Variants in CACNA1H observed in about 807,000 individuals in gnomAD.
The protein encoded by CACNA1H is calcium voltage-gated channel subunit alpha1 H.
In CACNA1H, 149 loss-of-function variants were observed where a neutral mutation model predicts 192.5. The ratio of observed to expected loss-of-function variants is 0.77; its 90% confidence interval spans 0.68 to 0.89. The LOEUF (loss-of-function observed/expected upper bound fraction) is 0.89. Among genes scored for constraint, CACNA1H ranks in the 40% least tolerant of loss-of-function variants. The probability of loss-of-function intolerance (pLI) is 0.00; values close to 1 mark genes in which losing one functional copy is unlikely to be tolerated. For synonymous variants in CACNA1H, 2,202 were observed against 1,475.2 expected, an observed-to-expected ratio of 1.49 and a Z score of -11.29; for missense variants, 4,257 against 3,423.5, an observed-to-expected ratio of 1.24 and a Z score of -6.08.
chr16:1,199,766 G>T (rs1967572972), intron 6 of CACNA1H, among the ~76,000 whole-genome samples: 1 of 149,632 alleles, frequency 6.7e-6, no homozygotes, highest in Non-Finnish European at 1.5e-5. Flanking sequence ...CCTGCCCTCA[G>T]CCCTCACCCC....
At chr16:1,201,238 G>A (rs369744014) in intron 8 of CACNA1H, among the ~76,000 whole-genome samples, 7 of 152,274 alleles carry the variant, frequency 4.6e-5, no homozygotes, top group African/African-American at 1.7e-4. Context: ...GGTAACAGAA[G>A]CAGACAGACG....
chr16:1,218,426 C>T lies in CACNA1H; in HGVS notation c.5662C>T (p.Pro1888Ser). 3 of 1,553,600 alleles carry T rather than the reference C, an allele frequency of 1.9e-6. No individual in the cohort carries two copies. The highest frequency in any genetic ancestry group is 2.6e-6 in the Non-Finnish European group (3 of 1,149,244). Residue 1888 changes from proline (P) to serine (S), a missense_variant, in exon 33 of 35, where the codon CCC becomes TCC. Coordinates refer to ENST00000348261, the MANE Select transcript of CACNA1H (RefSeq NM_021098.3). Reference protein sequence around the residue: ...AEIELEMAQGPGSARRVDADR... With the variant: ...AEIELEMAQGSGSARRVDADR... ...GATCGAGCTGGAGATGGCGCAGGGCCCCGGGAGTGCACGCCGGGTGGACGC... is the reference window on the plus strand; with the variant it reads ...GATCGAGCTGGAGATGGCGCAGGGCTCCGGGAGTGCACGCCGGGTGGACGC...
At position 1,194,281 on chromosome 16, in the gene CACNA1H, C is replaced by G. The variant is rs117672043; in HGVS notation, c.300-691C>G. 3.5e-4 allele frequency among the ~76,000 whole-genome samples: 53 copies of G among 152,312 alleles called. No homozygotes were observed. In the South Asian group the frequency reaches 9.5e-3, roughly 27 times the overall value. On this transcript the variant is annotated intron_variant, in intron 2 of 34. Coordinates refer to ENST00000348261, the MANE Select transcript of CACNA1H (RefSeq NM_021098.3). Reference sequence around the variant, plus strand: ...GACTGTCAGAGCTGGTGCCTGACTTCCCAAGGCTGTTCGCTGACAAGTTGG... The same window carrying G: ...GACTGTCAGAGCTGGTGCCTGACTTGCCAAGGCTGTTCGCTGACAAGTTGG...
intron 6 of CACNA1H, 62 bp downstream of exon 6, chr16:1,198,836 C>G (rs1025860786): frequency 6.0e-6 from 9 of 1,501,206 alleles, no homozygotes; most frequent in Non-Finnish European, 8.1e-6. Flanking sequence ...ATGCAGATAA[C>G]GCACCATGTG....
chr16:1,202,390 G>A lies in CACNA1H; in HGVS notation c.1940G>A (p.Gly647Asp), dbSNP rs1334468304. 2.6e-6 allele frequency: 4 copies of A among 1,546,430 alleles called. No individual in the cohort carries two copies. The highest frequency in any genetic ancestry group is 2.4e-5 in the East Asian group (1 of 41,086). ...GGACCGCCAGGCACCGGGGGGCACG[G>A]CCCGTTGAGCTTGAACAGCCCTGAT... ...AGGPPGTGGH[G>D]PLSLNSPDPY... Residue 647 changes from glycine to aspartate, a missense_variant, in exon 9 of 35, where the codon GGC becomes GAC. Coordinates refer to ENST00000348261, the MANE Select transcript of CACNA1H (RefSeq NM_021098.3).
Position 1,220,125 on chromosome 16 carries a change from G to T in CACNA1H, c.6193G>T (p.Ala2065Ser). Residue 2065 changes from alanine (A) to serine (S), a missense_variant, in exon 35 of 35, where the codon GCC (alanine) becomes TCC (serine). Transcript: ENST00000348261. ...GTCCCCACCACGCTCCCCACGGCCC[G>T]CCAGCGTCCGCACTCGTAAGCATAC... ...LQSPPRSPRP[A>S]SVRTRKHTFG... is the part of the protein sequence containing the mutation. The T allele has an allele frequency of 6.7e-7, 1 of 1,490,646 alleles. No individual in the cohort carries two copies. The highest frequency in any genetic ancestry group is 8.9e-7 in the Non-Finnish European group (1 of 1,121,894). 92.3% of individuals were successfully genotyped at this position (1,490,646 alleles called of 1,614,324 possible).
intron 31 of CACNA1H, 96 bp from the exon 32 acceptor site, chr16:1,217,823 C>T (rs1398636161): frequency 6.9e-7 from 1 of 1,443,642 alleles, no homozygotes; most frequent in East Asian, 2.5e-5. Flanking sequence ...GCTATCCTGC[C>T]TCTGGGCTCC....
At chr16:1,187,202 G>C (rs1413133167) in intron 2 of CACNA1H, among the ~76,000 whole-genome samples, 1 of 152,270 alleles carries the variant, frequency 6.6e-6, no homozygotes, top group Admixed American at 6.5e-5. Flanking sequence ...TGAGGGGCCG[G>C]GAGGGGAGGA....
chr16:1,195,345 G>A, intron 3 of CACNA1H, 87 bp from the exon 4 acceptor site: 1 of 1,511,124 alleles, frequency 6.6e-7, no homozygotes, highest in South Asian at 1.2e-5. Flanking sequence ...TGGCAAGACT[G>A]GGGGCCGGGC....
intron 2 of CACNA1H, among the ~76,000 whole-genome samples, chr16:1,160,739 A>G (rs920153938): frequency 3.3e-5 from 5 of 152,140 alleles, no homozygotes; most frequent in African/African-American, 1.2e-4. Flanking sequence ...AATGTGCTCC[A>G]CGAGGCCTCC....
In CACNA1H at chr16:1,215,587, C is replaced by T. The variant is rs562034574; in HGVS notation, c.5238C>T (p.Leu1746=). The change falls in exon 30 of 35, where the codon CTC becomes CTT. Residue 1746 remains leucine, a synonymous_variant. Transcript: ENST00000348261. Reference sequence around the variant, plus strand: ...TGCTGGACACTGTGGTGCAAGCTCTCCCCCAGGTAGGTGGAGCCCGCGCCA... The same window carrying T: ...TGCTGGACACTGTGGTGCAAGCTCTTCCCCAGGTAGGTGGAGCCCGCGCCA... ...RALLDTVVQA[L]PQVGNLGLLF... The T allele has an allele frequency of 1.9e-6, 3 of 1,610,952 alleles. No homozygotes were observed. The highest frequency in any genetic ancestry group is 2.2e-5 in the East Asian group (1 of 44,848).
chr16:1,219,781 C>T (rs1037129111), intron 34 of CACNA1H, among the ~76,000 whole-genome samples, 200 bp from the exon 35 acceptor site: 31 of 86,076 alleles, frequency 3.6e-4, no homozygotes, highest in African/African-American at 1.2e-3. Flanking sequence ...AGGCTTTCCC[C>T]GGGAGCCTCA....
intron 22 of CACNA1H, 23 bp downstream of exon 22, chr16:1,211,317 G>A: frequency 6.2e-7 from 1 of 1,612,582 alleles, no homozygotes; most frequent in African/African-American, 1.3e-5. Context: ...CACGTGCCCG[G>A]GGGTCTGCCC....
rs553478910 is a variant in CACNA1H at position 1,154,051 on chromosome 16, C to T, written c.299+15C>T. 8 of 661,452 alleles carry T rather than the reference C, an allele frequency of 1.2e-5. No individual in the cohort carries two copies. The African/African-American group carries it at 2.0e-4, about 17-fold the overall frequency. 41.0% of individuals were successfully genotyped at this position (661,452 alleles called of 1,614,324 possible). A position where few individuals can be genotyped will look rare whatever the true frequency, so the allele number is the denominator to read the frequency against. On this transcript the variant is annotated intron_variant, in intron 2 of 34. Coordinates refer to ENST00000348261, the MANE Select transcript of CACNA1H (RefSeq NM_021098.3). The stretch of plus-strand genomic sequence containing the variant: ...GTCTGCAACCCATATCCTTCCCGGC[C>T]GGCGGGGGGCGGGGGGCGGGGGGCG...
At chr16:1,198,995 C>T (rs1159090403) in intron 6 of CACNA1H, 37 of 562,360 alleles carry the variant, frequency 6.6e-5, no homozygotes, top group Admixed American at 9.3e-5. Context: ...CACATGGCTC[C>T]GCCCACGGTG....
chr16:1,174,241 G>C (rs1046015866), intron 2 of CACNA1H, among the ~76,000 whole-genome samples: 1 of 152,174 alleles, frequency 6.6e-6, no homozygotes, highest in Non-Finnish European at 1.5e-5. Flanking sequence ...GTCTCCTGTG[G>C]GGCTCCTGGG....
Position 1,153,711 on chromosome 16 carries a change from C to T in CACNA1H, c.-18-9C>T, listed in dbSNP as rs1419288322. ...CCACCGGCCCCGGGTCACCCCCTGT[C>T]CTCTGCAGGTGCTGCCGGCCGCCAC... On this transcript the variant is annotated splice_polypyrimidine_tract_variant and intron_variant, in intron 1 of 34. Coordinates refer to ENST00000348261, the MANE Select transcript of CACNA1H (RefSeq NM_021098.3). 18 of 1,198,022 alleles carry T rather than the reference C, an allele frequency of 1.5e-5. No individual in the cohort carries two copies. The highest frequency in any genetic ancestry group is 1.9e-5 in the Non-Finnish European group (18 of 966,976). The allele number at this position is 1,198,022 out of a possible 1,614,324, so 74.2% of individuals were successfully genotyped here.
chr16:1,188,403 C>T (rs1238096021), intron 2 of CACNA1H, among the ~76,000 whole-genome samples: 4 of 152,142 alleles, frequency 2.6e-5, no homozygotes, highest in Admixed American at 1.3e-4. Flanking sequence ...AGGGCTCAGT[C>T]GGCACTGTTT....
intron 30 of CACNA1H, among the ~76,000 whole-genome samples, chr16:1,215,803 C>G (rs1024198536): frequency 6.6e-6 from 1 of 152,172 alleles, no homozygotes; most frequent in Non-Finnish European, 1.5e-5. Context: ...ATCCTCTGGG[C>G]AAGACTCATA....
Sources: allele counts gnomAD v4.1 joint callset (sites outside exome capture counted in the v4.1 genomes callset), GRCh38; gene constraint gnomAD v4.1.1; transcripts MANE v1.5; gene names NCBI Gene and HGNC (gene_info 2026-07-23, HGNC 2026-07-21).